Variants in EIF2AK2 observed in about 807,000 individuals in gnomAD.
EIF2AK2 encodes interferon-induced, double-stranded RNA-activated protein kinase.
A neutral mutation model predicts 70.5 loss-of-function variants in EIF2AK2; 40 were observed. The ratio of observed to expected loss-of-function variants is 0.57; its 90% confidence interval spans 0.44 to 0.74. EIF2AK2 has a LOEUF of 0.74. EIF2AK2 is among the 30% of genes least tolerant of loss of function. EIF2AK2 has a pLI of 0.00. For missense variants in EIF2AK2, 555 were observed against 644.3 expected (o/e 0.86, Z 1.50); for synonymous variants, 198 against 220.9 (o/e 0.90, Z 0.92).
At chr2:37,130,613 C>T (rs1674906442) in intron 10 of EIF2AK2, among the ~76,000 whole-genome samples, 1 of 152,168 alleles carries the variant, frequency 6.6e-6, no homozygotes, top group Non-Finnish European at 1.5e-5. Flanking sequence ...CTCAAAGATG[C>T]CTTTTATATT....
intron 14 of EIF2AK2, 108 bp from the exon 15 acceptor site, chr2:37,109,403 A>C: frequency 1.2e-6 from 1 of 862,394 alleles, no homozygotes; most frequent in Non-Finnish European, 1.8e-6. Context: ...CCACAAAACA[A>C]TGTCTATTTA....
chr2:37,139,884 G>T, intron 5 of EIF2AK2, 127 bp from the exon 6 acceptor site: 4 of 983,854 alleles, frequency 4.1e-6, no homozygotes, highest in Non-Finnish European at 5.7e-6. Flanking sequence ...TAGATTTATA[G>T]TTCATATCTT....
chr2:37,120,131 G>C lies in EIF2AK2; in HGVS notation c.1076C>G (p.Thr359Ser). Residue 359 changes from threonine to serine, a missense_variant, in exon 13 of 17, where the codon ACT becomes AGT. Thr to Ser is a moderately conservative substitution (Grantham distance 58). This residue lies in a region of EIF2AK2 where 299 missense variants were observed against 375.4 expected (regional missense o/e 0.80). Coordinates refer to ENST00000233057, the MANE Select transcript of EIF2AK2 (RefSeq NM_001135651.3). Reference protein sequence around the residue: ...ENSKNSSRSKTKCLFIQMEFC... With the variant: ...ENSKNSSRSKSKCLFIQMEFC... ...TTCCATTTGGATGAAAAGGCACTTA[G>C]TCTTTGACCTGGGTATAAAATTCAC... The C allele has an allele frequency of 7.0e-7, 1 of 1,437,464 alleles. No homozygotes were observed. The highest frequency in any genetic ancestry group is 9.2e-7 in the Non-Finnish European group (1 of 1,090,240). 89.0% of individuals were successfully genotyped at this position (1,437,464 alleles called of 1,614,324 possible).
In EIF2AK2 at chr2:37,147,788, C is replaced by A; in HGVS notation, c.19G>T (p.Ala7Ser). The A allele has an allele frequency of 6.2e-7, 1 of 1,613,026 alleles. No individual in the cohort carries two copies. ...TTAAGTTCCTCCATGAAGAAACCTG[C>A]TGAAAGATCACCAGCCATTTCTTCT... The part of the protein sequence containing the change: MAGDLS[A>S]GFFMEELNTY... Residue 7 changes from alanine (A) to serine (S), a missense_variant, in exon 3 of 17, where the codon GCA (alanine) becomes TCA (serine). By Grantham distance (99) the Ala-to-Ser change is moderately conservative. Around this residue, in one of 3 missense-constraint regions of EIF2AK2, gnomAD observed 48 missense variants for 77.1 expected, o/e 0.62. Coordinates refer to ENST00000233057, the MANE Select transcript of EIF2AK2 (RefSeq NM_001135651.3).
chr2:37,120,838 C>A (rs1374039885), intron 12 of EIF2AK2, among the ~76,000 whole-genome samples: 4 of 149,322 alleles, frequency 2.7e-5, no homozygotes, highest in African/African-American at 7.3e-5. Flanking sequence ...TGGCGCGGCA[C>A]CTGTAGTCTC....
At chr2:37,127,447 C>G (rs1216507236) in intron 10 of EIF2AK2, among the ~76,000 whole-genome samples, 1 of 152,216 alleles carries the variant, frequency 6.6e-6, no homozygotes, top group African/African-American at 2.4e-5. Flanking sequence ...CTATAAGGTG[C>G]CAAATGAGGA....
At chr2:37,126,705 C>T (rs2148684702) in intron 10 of EIF2AK2, among the ~76,000 whole-genome samples, 1 of 152,158 alleles carries the variant, frequency 6.6e-6, no homozygotes, top group East Asian at 1.9e-4. Flanking sequence ...GCCCGTAATA[C>T]CAGCACTTCA....
In EIF2AK2 at chr2:37,142,036, CTT is replaced by C. The variant is rs553652785; in HGVS notation, c.241-337_241-336del. On this transcript the variant is annotated intron_variant, in intron 4 of 16. Transcript: ENST00000233057. ...AGTAAAGCTGTATACTGGATCATAACTTAATGAAAAAGATGAATATAATAGCA... is the reference window on the plus strand; with the variant it reads ...AGTAAAGCTGTATACTGGATCATAACAATGAAAAAGATGAATATAATAGCA... Among the ~76,000 whole-genome samples the C allele has an allele frequency of 2.6e-4, 40 of 152,282 alleles. No homozygotes were observed. The South Asian group carries it at 8.1e-3, about 31-fold the overall frequency.
chr2:37,129,877 C>G (rs1324223070), intron 10 of EIF2AK2, among the ~76,000 whole-genome samples: 1 of 152,110 alleles, frequency 6.6e-6, no homozygotes, highest in Non-Finnish European at 1.5e-5. Flanking sequence ...AAGAACAGAA[C>G]CCTTCCTCAG....
intron 4 of EIF2AK2, among the ~76,000 whole-genome samples, chr2:37,145,221 C>G (rs952212780): frequency 6.7e-6 from 1 of 148,888 alleles, no homozygotes; most frequent in African/African-American, 2.5e-5. Context: ...CGGCTCACTG[C>G]AACCTCCGCT....
intron 1 of EIF2AK2, among the ~76,000 whole-genome samples, chr2:37,150,680 T>G (rs1675711616): frequency 6.6e-6 from 1 of 152,206 alleles, no homozygotes; most frequent in Admixed American, 6.5e-5. Flanking sequence ...TTGGAAATAA[T>G]CTACATATCT....
Position 37,103,832 on chromosome 2 carries a change from ATGCAT to A in EIF2AK2, c.*3436_*3440del, listed in dbSNP as rs1673888120. The A allele has an allele frequency of 6.6e-6, 1 of 152,190 alleles. No individual in the cohort carries two copies. The highest frequency in any genetic ancestry group is 2.4e-5 in the African/African-American group (1 of 41,458). The allele number at this position is 152,190 out of a possible 1,614,324, so 9.4% of individuals were successfully genotyped here. ...ACACTTGGCCTCTAAATGTTTGTGCATGCATTGCCTAAAAAAACATTTTTGGCTGG... is the reference window on the plus strand; with the variant it reads ...ACACTTGGCCTCTAAATGTTTGTGCATGCCTAAAAAAACATTTTTGGCTGG... On this transcript the variant is annotated 3_prime_UTR_variant, in exon 17 of 17. Coordinates refer to ENST00000233057, the MANE Select transcript of EIF2AK2 (RefSeq NM_001135651.3).
intron 12 of EIF2AK2, among the ~76,000 whole-genome samples, chr2:37,121,504 C>G (rs920441274): frequency 6.6e-6 from 1 of 151,102 alleles, no homozygotes. Context: ...CTTGCCGTCA[C>G]GGGGATAATA....
chr2:37,143,052 C>T (rs763213137), intron 4 of EIF2AK2, among the ~76,000 whole-genome samples: 15 of 151,980 alleles, frequency 9.9e-5, no homozygotes, highest in South Asian at 2.1e-4. Flanking sequence ...CATAGTGAAA[C>T]CCTGTCTCTA....
rs190575707 is a variant in EIF2AK2, at chr2:37,140,342, A to G, written c.390-585T>C. Among the ~76,000 whole-genome samples the G allele has an allele frequency of 2.2e-4, 34 of 152,360 alleles. 1 individual carries two copies. The East Asian group carries it at 6.2e-3, about 28-fold the overall frequency. On this transcript the variant is annotated intron_variant, in intron 5 of 16. Coordinates refer to ENST00000233057, the MANE Select transcript of EIF2AK2 (RefSeq NM_001135651.3). ...ATTAGATGTAAGGACATTTGTGGTT[A>G]GGCAAGGATACTTGGACAATTATAT...
intron 1 of EIF2AK2, among the ~76,000 whole-genome samples, chr2:37,155,912 G>C (rs1215278566): frequency 6.7e-6 from 1 of 148,174 alleles, no homozygotes; most frequent in East Asian, 2.0e-4. Flanking sequence ...CTGCATTCCA[G>C]CCTGGCGACA....
At chr2:37,138,221 C>A in intron 8 of EIF2AK2, 49 bp downstream of exon 8, 3 of 1,396,546 alleles carry the variant, frequency 2.1e-6, no homozygotes, top group South Asian at 1.3e-5. Flanking sequence ...AATGAGGAAA[C>A]GCACAGAAAA....
chr2:37,111,878 AATATAT>A (rs869140054), intron 14 of EIF2AK2, among the ~76,000 whole-genome samples: 1,296 of 68,948 alleles, frequency 0.019, 49 homozygotes, highest in Middle Eastern at 0.03. Context: ...AAAAAAAAAA[AATATAT>A]ATATATATAT....
At chr2:37,126,967 G>GAAAAAAAAAAAAAAAAAAAA (rs57802509) in intron 10 of EIF2AK2, among the ~76,000 whole-genome samples, 1 of 52,170 alleles carries the variant, frequency 1.9e-5, no homozygotes, top group Non-Finnish European at 3.4e-5. Context: ...CAAAAAAACA[G>GAAAAAAAAAAAAAAAAAAAA]AAAAAAAAAA....
Sources: allele counts gnomAD v4.1 joint callset (sites outside exome capture counted in the v4.1 genomes callset), GRCh38; gene constraint gnomAD v4.1.1; regional missense constraint gnomAD v4.1.1; transcripts MANE v1.5; gene names NCBI Gene and HGNC (gene_info 2026-07-23, HGNC 2026-07-21).